The following SLC35F4 variants were observed in gnomAD, a reference collection of about 807,000 sequenced individuals.
SLC35F4 encodes the protein chromosome 14 open reading frame 36.
A neutral mutation model predicts 44.2 loss-of-function variants in SLC35F4; 24 were observed. The ratio of observed to expected loss-of-function variants is 0.54; its 90% CI spans 0.39 to 0.76. The LOEUF (loss-of-function observed/expected upper bound fraction) is 0.76, where lower values mean the gene tolerates loss of function less well. Among genes scored for constraint, SLC35F4 ranks in the 30% least tolerant of loss-of-function variants. The probability of loss-of-function intolerance (pLI) is 0.00; values close to 1 mark genes in which losing one functional copy is unlikely to be tolerated. For missense variants in SLC35F4, 562 were observed against 586.1 expected (o/e 0.96, Z 0.42); for synonymous variants, 238 against 223.6 (o/e 1.06, Z -0.57).
chr14:57,873,096 A>G (rs937779856), intron 1 of SLC35F4, among the ~76,000 whole-genome samples: 2 of 152,234 alleles, frequency 1.3e-5, no homozygotes, highest in Non-Finnish European at 2.9e-5. Flanking sequence ...TACGGGCTGT[A>G]TAAACCTCAA....
At chr14:57,939,429 A>G (rs952800777) in intron 1 of SLC35F4, among the ~76,000 whole-genome samples, 5 of 152,224 alleles carry the variant, frequency 3.3e-5, no homozygotes, top group African/African-American at 2.4e-5. Context: ...ATGTCAGCAG[A>G]GCAAGCAGCA....
intron 1 of SLC35F4, among the ~76,000 whole-genome samples, chr14:57,959,693 C>T (rs1307717209): frequency 1.3e-5 from 2 of 152,162 alleles, no homozygotes; most frequent in Non-Finnish European, 2.9e-5. Flanking sequence ...GATTTATCTT[C>T]CATTGAGCCC....
At position 57,780,475 on chromosome 14, in the gene SLC35F4, A is replaced by AT. The variant is rs571371639; in HGVS notation, c.103+85247dup. ...ATGGAAAAACATTTCATGCTCACAG[A>AT]TAGAAAGAATCAATATTGTTAAAAT... On this transcript the variant is annotated intron_variant, in intron 1 of 7. Transcript: ENST00000556826. 7.2e-4 allele frequency among the ~76,000 whole-genome samples: 110 copies of AT among 152,308 alleles called. 3 individuals are homozygous for AT. The South Asian group carries it at 0.023, about 31-fold the overall frequency.
intron 1 of SLC35F4, among the ~76,000 whole-genome samples, chr14:57,951,002 G>T (rs1424596024): frequency 6.6e-6 from 1 of 152,070 alleles, no homozygotes; most frequent in Non-Finnish European, 1.5e-5. Flanking sequence ...TTGAATTTGG[G>T]GTGGCTGGCA....
chr14:57,607,123 A>G (rs1566675388), intron 1 of SLC35F4, among the ~76,000 whole-genome samples: 1 of 152,184 alleles, frequency 6.6e-6, no homozygotes, highest in African/African-American at 2.4e-5. Flanking sequence ...TTCACTGCAC[A>G]GCCCCTTGCC....
chr14:57,827,169 T>C (rs556628673), intron 1 of SLC35F4, among the ~76,000 whole-genome samples: 90 of 152,286 alleles, frequency 5.9e-4, no homozygotes, highest in African/African-American at 2.1e-3. Context: ...CATGGAATCC[T>C]ATGCAGCCAT....
intron 1 of SLC35F4, among the ~76,000 whole-genome samples, chr14:57,742,534 T>C (rs2347356): frequency 0.072 from 11,019 of 152,224 alleles, 983 homozygotes; most frequent in African/African-American, 0.2. Flanking sequence ...CTATCCTAAA[T>C]ATATATGCAC....
intron 1 of SLC35F4, among the ~76,000 whole-genome samples, chr14:57,936,137 T>C (rs1047806429): frequency 6.6e-6 from 1 of 152,246 alleles, no homozygotes; most frequent in Non-Finnish European, 1.5e-5. Context: ...GCTCAGCATA[T>C]GCATTTTACC....
chr14:57,607,493 A>C (rs1044782538), intron 1 of SLC35F4, among the ~76,000 whole-genome samples: 67 of 152,278 alleles, frequency 4.4e-4, no homozygotes, highest in African/African-American at 1.6e-3. Flanking sequence ...ATGGGCTGAA[A>C]CAGTCTTTGG....
At chr14:57,917,108 T>C (rs935742463) in intron 1 of SLC35F4, among the ~76,000 whole-genome samples, 1 of 152,188 alleles carries the variant, frequency 6.6e-6, no homozygotes, top group Non-Finnish European at 1.5e-5. Flanking sequence ...GCTCCCACGC[T>C]GGAGTGCAAT....
intron 1 of SLC35F4, among the ~76,000 whole-genome samples, chr14:57,653,606 A>T (rs1325262800): frequency 1.3e-5 from 2 of 152,206 alleles, no homozygotes; most frequent in Non-Finnish European, 2.9e-5. Flanking sequence ...ATTTTAAAAC[A>T]ACTGTCAGAA....
At chr14:57,573,126 A>G (rs927225828) in intron 4 of SLC35F4, among the ~76,000 whole-genome samples, 2 of 152,136 alleles carry the variant, frequency 1.3e-5, no homozygotes, top group African/African-American at 4.8e-5. Context: ...TTTGAACACT[A>G]TTAGTGAATT....
chr14:57,836,490 A>C (rs1282353527), intron 1 of SLC35F4, among the ~76,000 whole-genome samples: 1 of 152,206 alleles, frequency 6.6e-6, no homozygotes, highest in South Asian at 2.1e-4. Context: ...ACGGGGTTTC[A>C]CCATGTTGAC....
intron 1 of SLC35F4, among the ~76,000 whole-genome samples, chr14:57,951,572 G>A (rs1385159697): frequency 7.2e-5 from 11 of 152,256 alleles, no homozygotes; most frequent in South Asian, 2.1e-4. Flanking sequence ...GCCTGGAGTC[G>A]ACCTGGTACA....
chr14:57,583,472 CA>C (rs1400895439), intron 3 of SLC35F4, among the ~76,000 whole-genome samples: 1 of 152,212 alleles, frequency 6.6e-6, no homozygotes, highest in Non-Finnish European at 1.5e-5. Flanking sequence ...GATTGTTCTT[CA>C]ACCAAGAGCT....
At chr14:57,881,234 A>T (rs1238006922) in intron 1 of SLC35F4, among the ~76,000 whole-genome samples, 1 of 152,174 alleles carries the variant, frequency 6.6e-6, no homozygotes, top group Non-Finnish European at 1.5e-5. Context: ...AACAATTTGT[A>T]CTTAAGGTGC....
chr14:57,778,407 G>T (rs1049724622), intron 1 of SLC35F4, among the ~76,000 whole-genome samples: 1 of 151,868 alleles, frequency 6.6e-6, no homozygotes, highest in Non-Finnish European at 1.5e-5. Flanking sequence ...AAAGATAAGG[G>T]TTCAATTCAA....
chr14:57,971,909 A>C (rs1881063500), downstream of SLC35F4, among the ~76,000 whole-genome samples: 1 of 152,266 alleles, frequency 6.6e-6, no homozygotes, highest in Non-Finnish European at 1.5e-5. Context: ...TTAAGTGCTA[A>C]GAAGAAAACA....
intron 1 of SLC35F4, among the ~76,000 whole-genome samples, chr14:57,831,049 A>C (rs1214949920): frequency 6.6e-6 from 1 of 152,076 alleles, no homozygotes; most frequent in Non-Finnish European, 1.5e-5. Context: ...AGAATTTATC[A>C]TCTTCTCTCT....
Sources: gnomAD v4.1 joint callset for allele counts (sites outside exome capture counted in the v4.1 genomes callset) on GRCh38, gnomAD v4.1.1 for gene constraint, MANE v1.5 for transcripts, NCBI Gene and HGNC (gene_info 2026-07-23, HGNC 2026-07-21) for gene names.